The following LRP12 variants were observed in gnomAD, a reference collection of about 807,000 sequenced individuals.
LRP12 encodes the protein low-density lipoprotein receptor-related protein 12.
LRP12 carries 14 observed loss-of-function variants against 66.0 expected under a neutral mutation model. The ratio of observed to expected loss-of-function variants is 0.21; its 90% CI spans 0.14 to 0.33. The LOEUF (loss-of-function observed/expected upper bound fraction) is 0.33. Ranked by LOEUF, LRP12 falls within the 10% of genes least tolerant of loss-of-function variation. The pLI, the probability that LRP12 is intolerant of heterozygous loss-of-function variation, is 1.00. For synonymous variants in LRP12, 357 were observed against 359.1 expected (o/e 0.99, Z 0.07); for missense variants, 889 against 1,053.4 (o/e 0.84, Z 2.16).
intron 1 of LRP12, among the ~76,000 whole-genome samples, chr8:104,568,515 A>T (rs529309263): frequency 1.3e-5 from 2 of 152,304 alleles, no homozygotes; most frequent in East Asian, 3.9e-4. Context: ...AATATTTGAA[A>T]ATCATATATC....
chr8:104,548,489 T>C (rs1366402204), intron 1 of LRP12, among the ~76,000 whole-genome samples: 14 of 128,828 alleles, frequency 1.1e-4, no homozygotes, highest in Non-Finnish European at 2.2e-4. Flanking sequence ...TTATATTTTG[T>C]ATCTAATATA....
At chr8:104,574,907 A>T (rs79788503) in intron 1 of LRP12, among the ~76,000 whole-genome samples, 17 of 152,270 alleles carry the variant, frequency 1.1e-4, no homozygotes, top group Non-Finnish European at 2.5e-4. Flanking sequence ...TGCTTCTAAG[A>T]AGGGCACTTA....
chr8:104,499,064 TA>T (rs1199740653), intron 4 of LRP12, among the ~76,000 whole-genome samples: 1 of 152,230 alleles, frequency 6.6e-6, no homozygotes, highest in African/African-American at 2.4e-5. Flanking sequence ...ATTCTTAGAA[TA>T]AATGTATTTA....
intron 6 of LRP12, among the ~76,000 whole-genome samples, chr8:104,492,352 A>G (rs1471202407): frequency 6.6e-6 from 1 of 152,192 alleles, no homozygotes; most frequent in Non-Finnish European, 1.5e-5. Flanking sequence ...TAGATGAACG[A>G]GTTTAGAGTT....
intron 1 of LRP12, among the ~76,000 whole-genome samples, chr8:104,547,479 C>T (rs909406596): frequency 6.3e-5 from 8 of 127,114 alleles, no homozygotes; most frequent in African/African-American, 1.2e-4. Context: ...ATTTTGTATA[C>T]AATATATAAT....
At chr8:104,525,693 A>G (rs1027795471) in intron 2 of LRP12, among the ~76,000 whole-genome samples, 5 of 152,160 alleles carry the variant, frequency 3.3e-5, no homozygotes, top group Non-Finnish European at 7.4e-5. Context: ...ACCATATTAT[A>G]TAAGAGCTAT....
intron 1 of LRP12, among the ~76,000 whole-genome samples, chr8:104,548,261 T>C (rs1811645128): frequency 1.0e-5 from 1 of 98,988 alleles, no homozygotes; most frequent in South Asian, 2.6e-4. Flanking sequence ...ATTATATTAA[T>C]ATATGATATA....
intron 1 of LRP12, among the ~76,000 whole-genome samples, chr8:104,545,627 C>G (rs1811544389): frequency 6.6e-6 from 1 of 152,092 alleles, no homozygotes; most frequent in African/African-American, 2.4e-5. Context: ...CTCAGATGAT[C>G]ATTAGAATTT....
At chr8:104,571,305 G>C (rs1812077186) in intron 1 of LRP12, among the ~76,000 whole-genome samples, 1 of 152,178 alleles carries the variant, frequency 6.6e-6, no homozygotes, top group Non-Finnish European at 1.5e-5. Context: ...ACAGCAGCAA[G>C]TGAGTGGTGG....
chr8:104,547,048 T>A (rs1811576436), intron 1 of LRP12, among the ~76,000 whole-genome samples: 1 of 143,702 alleles, frequency 7.0e-6, no homozygotes, highest in African/African-American at 2.6e-5. Flanking sequence ...TATACAATTC[T>A]ATATTATATC....
At chr8:104,509,694 TCAA>T (rs1250870811) in intron 2 of LRP12, among the ~76,000 whole-genome samples, 1 of 152,176 alleles carries the variant, frequency 6.6e-6, no homozygotes, top group Admixed American at 6.6e-5. Context: ...GTGAAAGTTC[TCAA>T]CAATAGAAAA....
chr8:104,517,095 T>TA (rs373770873), intron 2 of LRP12, among the ~76,000 whole-genome samples: 74 of 151,420 alleles, frequency 4.9e-4, no homozygotes, highest in African/African-American at 1.7e-3. Context: ...ACAAAAGAAA[T>TA]AGAGAACTCA....
chr8:104,536,645 T>C (rs1811396265), intron 1 of LRP12, among the ~76,000 whole-genome samples: 1 of 151,996 alleles, frequency 6.6e-6, no homozygotes, highest in Admixed American at 6.6e-5. Flanking sequence ...AGCAAGCTTC[T>C]TATTCAAGGG....
intron 1 of LRP12, among the ~76,000 whole-genome samples, chr8:104,543,880 C>A (rs1811515006): frequency 6.6e-6 from 1 of 151,936 alleles, no homozygotes; most frequent in Admixed American, 6.6e-5. Context: ...CGAGATCTCG[C>A]CACTGCACAC....
At chr8:104,586,314 G>A (rs747227688) in intron 1 of LRP12, among the ~76,000 whole-genome samples, 1 of 152,168 alleles carries the variant, frequency 6.6e-6, no homozygotes, top group South Asian at 2.1e-4. Flanking sequence ...ATTTTTTTAT[G>A]TATGTGAAAT....
At chr8:104,568,349 C>A (rs1812035054) in intron 1 of LRP12, among the ~76,000 whole-genome samples, 1 of 151,954 alleles carries the variant, frequency 6.6e-6, no homozygotes, top group African/African-American at 2.4e-5. Flanking sequence ...CAGAGTAAAC[C>A]CCTATGACCT....
intron 1 of LRP12, among the ~76,000 whole-genome samples, chr8:104,549,691 C>G (rs567328665): frequency 6.6e-6 from 1 of 152,138 alleles, no homozygotes; most frequent in African/African-American, 2.4e-5. Flanking sequence ...CGTGAGCCCC[C>G]GAGCCCGGCC....
intron 2 of LRP12, among the ~76,000 whole-genome samples, chr8:104,529,370 G>A (rs930213983): frequency 2.6e-5 from 4 of 152,092 alleles, no homozygotes; most frequent in Admixed American, 6.6e-5. Flanking sequence ...TACCTAGAAC[G>A]GGACGTCTTG....
chr8:104,545,433 C>G (rs1230302328), intron 1 of LRP12, among the ~76,000 whole-genome samples: 1 of 152,166 alleles, frequency 6.6e-6, no homozygotes, highest in African/African-American at 2.4e-5. Context: ...GGCTATCAAA[C>G]AGCATCACAT....
Sources: gnomAD v4.1 joint callset for allele counts (sites outside exome capture counted in the v4.1 genomes callset) on GRCh38, gnomAD v4.1.1 for gene constraint, MANE v1.5 for transcripts, NCBI Gene and HGNC (gene_info 2026-07-23, HGNC 2026-07-21) for gene names.